Variants in PPME1 observed in about 807,000 individuals in gnomAD.
PPME1 encodes the protein protein phosphatase methylesterase 1, also known as testicular secretory protein Li 39.
A neutral mutation model predicts 56.9 loss-of-function variants in PPME1; 17 were observed. The ratio of observed to expected loss-of-function variants is 0.30; its 90% CI spans 0.20 to 0.45. The LOEUF (loss-of-function observed/expected upper bound fraction) is 0.45, where lower values mean the gene tolerates loss of function less well. Ranked by LOEUF, PPME1 falls within the 20% of genes least tolerant of loss-of-function variation. PPME1 has a pLI of 1.00. For missense variants in PPME1, 357 were observed against 483.2 expected, an observed-to-expected ratio of 0.74 and a Z score of 2.45; for synonymous variants, 122 against 156.2, an observed-to-expected ratio of 0.78 and a Z score of 1.63.
At chr11:74,206,365 T>C (rs1858326264) in intron 3 of PPME1, among the ~76,000 whole-genome samples, 2 of 152,300 alleles carry the variant, frequency 1.3e-5, no homozygotes, top group African/African-American at 4.8e-5. Context: ...GTTTTTTTCT[T>C]TTACTGGAAA....
intron 9 of PPME1, among the ~76,000 whole-genome samples, chr11:74,239,588 T>G (rs1402943640): frequency 6.7e-6 from 1 of 150,348 alleles, no homozygotes; most frequent in Non-Finnish European, 1.5e-5. Context: ...TTTTTTTTTT[T>G]TTTTTTGAGA....
chr11:74,222,680 G>A, intron 4 of PPME1: 1 of 317,592 alleles, frequency 3.1e-6, no homozygotes, highest in Non-Finnish European at 6.1e-6. Context: ...GTAGAGACCG[G>A]GTTTCACCAT....
intron 10 of PPME1, among the ~76,000 whole-genome samples, chr11:74,246,488 C>T (rs1307413896): frequency 6.6e-6 from 1 of 152,150 alleles, no homozygotes; most frequent in African/African-American, 2.4e-5. Context: ...GAGCTCTGCC[C>T]TCATGACCTG....
In PPME1 at chr11:74,251,178, C is replaced by A; in HGVS notation, c.1074+160C>A. The A allele has an allele frequency of 4.1e-6, 6 of 1,462,662 alleles. No individual in the cohort carries two copies. In the South Asian group the frequency reaches 8.5e-5, roughly 21 times the overall value. 90.6% of individuals were successfully genotyped at this position (1,462,662 alleles called of 1,614,324 possible). A position where few individuals can be genotyped will look rare whatever the true frequency, so the allele number is the denominator to read the frequency against. ...CAGCTCTCCAACTTCTCCCTGGCAG[C>A]TGCTTATGGTATTGGTTTTGTGTAT... On this transcript the variant is annotated intron_variant, in intron 12 of 13. Transcript: ENST00000328257.
Position 74,201,069 on chromosome 11 carries a change from G to A in PPME1, c.102-2659G>A, listed in dbSNP as rs542371196. 1.2e-4 allele frequency among the ~76,000 whole-genome samples: 18 copies of A among 151,562 alleles called. No individual in the cohort carries two copies. In the East Asian group the frequency reaches 2.4e-3, roughly 20 times the overall value. ...CGGCTCACTGCAAGCTCCGCCTCCC[G>A]GGTTCATGCCATTCTCCTGCCTCAG... On this transcript the variant is annotated intron_variant, in intron 1 of 13. Coordinates refer to ENST00000328257, the MANE Select transcript of PPME1 (RefSeq NM_016147.3).
intron 4 of PPME1, among the ~76,000 whole-genome samples, chr11:74,224,217 T>C (rs1477100043): frequency 1.3e-5 from 2 of 148,976 alleles, no homozygotes; most frequent in Non-Finnish European, 3.0e-5. Flanking sequence ...TCCCCATTGC[T>C]TGTTTTTCTC....
chr11:74,213,574 G>A (rs1435471750), intron 3 of PPME1, among the ~76,000 whole-genome samples: 1 of 152,224 alleles, frequency 6.6e-6, no homozygotes, highest in Non-Finnish European at 1.5e-5. Flanking sequence ...CAGTCCTAGT[G>A]CTGGTGGCCA....
In PPME1 at chr11:74,239,263, A is replaced by C. The variant is rs752026314; in HGVS notation, c.834+7A>C. 2 of 1,611,116 alleles carry C rather than the reference A, an allele frequency of 1.2e-6. No individual in the cohort carries two copies. Among genetic ancestry groups the C allele is most frequent in the African/African-American group, 2.7e-5 (2 of 74,750 alleles). ...AAAGGAAGATGACATGGAGGTGGGT[A>C]AAAACATTCATTCTTGAAAAGATGC... On this transcript the variant is annotated splice_region_variant and intron_variant, in intron 9 of 13. Coordinates refer to ENST00000328257, the MANE Select transcript of PPME1 (RefSeq NM_016147.3).
intron 3 of PPME1, among the ~76,000 whole-genome samples, chr11:74,210,268 C>G (rs569053097): frequency 6.6e-6 from 1 of 152,274 alleles, no homozygotes; most frequent in Admixed American, 6.5e-5. Flanking sequence ...ACTTGATAAA[C>G]TATAATGTCC....
intron 1 of PPME1, among the ~76,000 whole-genome samples, chr11:74,185,028 C>G (rs1435205170): frequency 1.8e-5 from 2 of 113,528 alleles, no homozygotes; most frequent in African/African-American, 6.4e-5. Context: ...GAGACAGAGT[C>G]TCACTCTGTC....
At position 74,225,170 on chromosome 11, in the gene PPME1, G is replaced by A. The variant is rs192757887; in HGVS notation, c.347-35G>A. Reference sequence around the variant, plus strand: ...ACTTCTGCTTTTATAATTCCTGTCTGTGGGAATTTTATTTTTAAAATATTT... The same window carrying A: ...ACTTCTGCTTTTATAATTCCTGTCTATGGGAATTTTATTTTTAAAATATTT... On this transcript the variant is annotated intron_variant, in intron 4 of 13. Transcript: ENST00000328257. 3,458 of 1,379,216 alleles carry A rather than the reference G, an allele frequency of 2.5e-3. 26 individuals are homozygous for A. Among genetic ancestry groups the A allele is most frequent in the Non-Finnish European group, 2.2e-3 (2,244 of 1,004,710 alleles). The allele number at this position is 1,379,216 out of a possible 1,614,324, so 85.4% of individuals were successfully genotyped here. A position where few individuals can be genotyped will look rare whatever the true frequency, so the allele number is the denominator to read the frequency against.
At chr11:74,184,357 C>CTT (rs1412431619) in intron 1 of PPME1, among the ~76,000 whole-genome samples, 3 of 152,068 alleles carry the variant, frequency 2.0e-5, no homozygotes, top group Non-Finnish European at 4.4e-5. Flanking sequence ...GATAAGTAGG[C>CTT]TTGGGAGTGG....
intron 3 of PPME1, among the ~76,000 whole-genome samples, chr11:74,209,933 T>C (rs560860052): frequency 1.3e-5 from 2 of 152,250 alleles, no homozygotes; most frequent in East Asian, 1.9e-4. Context: ...TAGTGGCACA[T>C]AACCTATAGT....
chr11:74,250,709 G>A (rs2135684142), intron 11 of PPME1: 1 of 467,876 alleles, frequency 2.1e-6, no homozygotes, highest in South Asian at 3.9e-5. Flanking sequence ...TTTCTTCTAT[G>A]TGTCTCTGGC....
At chr11:74,183,128 C>T (rs962344573) in intron 1 of PPME1, among the ~76,000 whole-genome samples, 8 of 151,830 alleles carry the variant, frequency 5.3e-5, no homozygotes, top group Admixed American at 1.3e-4. Flanking sequence ...GAGACCACAT[C>T]GCTACAAAAA....
chr11:74,174,850 A>C (rs1350993773), intron 1 of PPME1, among the ~76,000 whole-genome samples: 1 of 152,244 alleles, frequency 6.6e-6, no homozygotes, highest in Admixed American at 6.5e-5. Context: ...AGAGATTAAA[A>C]GTAACCCAAC....
At chr11:74,252,631 T>C (rs1379050930) in intron 13 of PPME1, 4 of 426,198 alleles carry the variant, frequency 9.4e-6, no homozygotes, top group Non-Finnish European at 1.9e-5. Context: ...TCCTGTGCAT[T>C]GTAGGATGCT....
intron 1 of PPME1, among the ~76,000 whole-genome samples, chr11:74,175,406 C>G (rs533628017): frequency 6.6e-6 from 1 of 152,158 alleles, no homozygotes; most frequent in South Asian, 2.1e-4. Context: ...GAGGCTGAGG[C>G]AGGAGAATCA....
At chr11:74,199,391 A>G (rs1468952375) in intron 1 of PPME1, among the ~76,000 whole-genome samples, 1 of 152,224 alleles carries the variant, frequency 6.6e-6, no homozygotes, top group Non-Finnish European at 1.5e-5. Flanking sequence ...TTGTCCCAGC[A>G]TCCCCCATTA....
Sources: allele counts gnomAD v4.1 joint callset (sites outside exome capture counted in the v4.1 genomes callset), GRCh38; gene constraint gnomAD v4.1.1; transcripts MANE v1.5; gene names NCBI Gene and HGNC (gene_info 2026-07-23, HGNC 2026-07-21).